CELF2: variants seen among roughly 807,000 people sequenced by gnomAD.
The protein encoded by CELF2 is CUGBP Elav-like family member 2, also known as CUG triplet repeat RNA-binding protein 2.
A neutral mutation model predicts 62.6 loss-of-function variants in CELF2; 8 were observed. The ratio of observed to expected loss-of-function variants is 0.13; its 90% CI spans 0.07 to 0.23. The LOEUF is 0.23. CELF2 is among the 10% of genes least tolerant of loss of function. CELF2 has a pLI of 1.00. For synonymous variants in CELF2, 258 were observed against 250.0 expected, an observed-to-expected ratio of 1.03 and a Z score of -0.30; for missense variants, 333 against 671.0, an observed-to-expected ratio of 0.50 and a Z score of 5.56.
chr10:11,020,357 A>T (rs1454566900), intron 1 of CELF2, among the ~76,000 whole-genome samples: 2 of 152,200 alleles, frequency 1.3e-5, no homozygotes, highest in African/African-American at 4.8e-5. Context: ...TAGCCCTGAG[A>T]ACACTAGAGC....
the CELF2 span, among the ~76,000 whole-genome samples, chr10:10,661,284 C>G: frequency 1.3e-5 from 2 of 152,064 alleles, no homozygotes; most frequent in Non-Finnish European, 2.9e-5. Flanking sequence ...CTTTTTGCAT[C>G]TGGTCTCTCT....
chr10:11,326,484 A>G (rs2095739583), intron 12 of CELF2, among the ~76,000 whole-genome samples: 3 of 152,176 alleles, frequency 2.0e-5, no homozygotes, highest in Admixed American at 6.5e-5. Flanking sequence ...CTGAAGGGCC[A>G]CCATCGGGGA....
At position 11,160,597 on chromosome 10, in the gene CELF2, C is replaced by A. The variant is rs1256195616; in HGVS notation, c.75-4889C>A. Among the ~76,000 whole-genome samples, 4 of 147,532 alleles carry A rather than the reference C, an allele frequency of 2.7e-5. No homozygotes were observed. The East Asian group carries it at 5.9e-4, about 22-fold the overall frequency. ...GGACTGTGCAAATACAGAACATTTC[C>A]TTCATGGCACCGGGTTGGGTAGCAC... On this transcript the variant is annotated intron_variant, in intron 1 of 12. Transcript: ENST00000633077.
chr10:10,619,533 A>T, the CELF2 span, among the ~76,000 whole-genome samples: 1 of 152,202 alleles, frequency 6.6e-6, no homozygotes, highest in African/African-American at 2.4e-5. Context: ...CCAAAGATGG[A>T]CGTGGAGGTC....
intron 3 of CELF2, among the ~76,000 whole-genome samples, chr10:11,233,946 C>T (rs2069935215): frequency 6.6e-6 from 1 of 152,250 alleles, no homozygotes; most frequent in Non-Finnish European, 1.5e-5. Context: ...CCTACACCCA[C>T]AGGCATATGT....
chr10:11,005,261 A>AGAGAGAGAGAGG (rs2055004924), upstream of CELF2: 7 of 1,025,836 alleles, frequency 6.8e-6, no homozygotes, highest in African/African-American at 1.6e-4. The surrounding 1 kb of genome is among the most constrained non-coding windows in gnomAD (Gnocchi z 4.3). Context: ...AGAGGGAGAG[A>AGAGAGAGAGAGG]GAGAGAGAGA....
the CELF2 span, among the ~76,000 whole-genome samples, chr10:10,670,993 C>T: frequency 1.3e-5 from 2 of 151,854 alleles, no homozygotes; most frequent in South Asian, 2.1e-4. Flanking sequence ...ATGGCAAAAC[C>T]CCATCTCTAC....
At chr10:10,702,897 A>T in the CELF2 span, among the ~76,000 whole-genome samples, 1 of 152,220 alleles carries the variant, frequency 6.6e-6, no homozygotes, top group Non-Finnish European at 1.5e-5. Context: ...TTTTAAAAAT[A>T]TAACAATTTT....
rs936721171 is a variant in CELF2, at chr10:11,306,348, T to G, written c.977-7791T>G. 3.3e-5 allele frequency among the ~76,000 whole-genome samples: 5 copies of G among 152,082 alleles called. No homozygotes were observed. Among genetic ancestry groups the G allele is most frequent in the Admixed American group, 3.3e-4 (5 of 15,268 alleles). ...GTTCTCAGCACAGACTGAAGGAATC[T>G]GAGGTGGGAAGAATGCAGATGGTTG... On this transcript the variant is annotated intron_variant, in intron 9 of 12. Coordinates refer to ENST00000633077, the MANE Select transcript of CELF2 (RefSeq NM_001326342.2). The surrounding 1 kb of genome is among the most constrained non-coding windows in gnomAD (Gnocchi z 4.4).
At chr10:10,463,473 C>T in the CELF2 span, among the ~76,000 whole-genome samples, 108 of 152,292 alleles carry the variant, frequency 7.1e-4, 1 homozygote, top group African/African-American at 2.4e-3. Context: ...CTACAATCAA[C>T]GAACTTCTGT....
At chr10:10,486,023 C>G in the CELF2 span, among the ~76,000 whole-genome samples, 2 of 152,154 alleles carry the variant, frequency 1.3e-5, no homozygotes, top group Non-Finnish European at 2.9e-5. Context: ...TGCATCAGAG[C>G]ATGGAGTAGA....
chr10:10,780,917 G>T, the CELF2 span, among the ~76,000 whole-genome samples: 1 of 152,190 alleles, frequency 6.6e-6, no homozygotes, highest in Non-Finnish European at 1.5e-5. Flanking sequence ...TTAAGTTGGG[G>T]TTACTACAGA....
At chr10:11,139,604 C>T (rs2060976862) in intron 1 of CELF2, among the ~76,000 whole-genome samples, 1 of 152,134 alleles carries the variant, frequency 6.6e-6, no homozygotes, top group South Asian at 2.1e-4. Flanking sequence ...ATGTAACCTA[C>T]AAGGAAGGTA....
At chr10:10,599,583 C>A in the CELF2 span, among the ~76,000 whole-genome samples, 1 of 152,040 alleles carries the variant, frequency 6.6e-6, no homozygotes, top group Non-Finnish European at 1.5e-5. Flanking sequence ...AGCTGATGAG[C>A]CTACAAAGGA....
intron 1 of CELF2, among the ~76,000 whole-genome samples, chr10:11,045,947 A>C (rs776824046): frequency 6.6e-6 from 1 of 152,224 alleles, no homozygotes; most frequent in African/African-American, 2.4e-5. Context: ...GGAGTTCACA[A>C]ATGTTCTCTG....
At chr10:11,123,400 G>A (rs913083347) in intron 1 of CELF2, among the ~76,000 whole-genome samples, 1 of 152,070 alleles carries the variant, frequency 6.6e-6, no homozygotes, top group Non-Finnish European at 1.5e-5. Flanking sequence ...ACAGGCACAC[G>A]CCACCATCCC....
intron 2 of CELF2, among the ~76,000 whole-genome samples, chr10:10,930,063 G>A (rs762298872): frequency 1.1e-4 from 17 of 152,164 alleles, no homozygotes; most frequent in Non-Finnish European, 2.1e-4. Context: ...TTATAGATGC[G>A]TATAAGAATC....
At chr10:10,522,007 C>T in the CELF2 span, among the ~76,000 whole-genome samples, 7 of 152,162 alleles carry the variant, frequency 4.6e-5, no homozygotes, top group Non-Finnish European at 1.0e-4. Context: ...TGGCCATGGT[C>T]CAGCTGGGGT....
intron 9 of CELF2, among the ~76,000 whole-genome samples, chr10:11,299,306 C>T (rs1304959844): frequency 6.6e-6 from 1 of 152,254 alleles, no homozygotes; most frequent in Non-Finnish European, 1.5e-5. Context: ...CTACTGAGTC[C>T]ACGCGGCGCC....
Sources: allele counts gnomAD v4.1 joint callset (sites outside exome capture counted in the v4.1 genomes callset), GRCh38; gene constraint gnomAD v4.1.1; non-coding constraint Gnocchi (gnomAD v3.1); transcripts MANE v1.5; gene names NCBI Gene and HGNC (gene_info 2026-07-23, HGNC 2026-07-21).